The following IL7 variants were observed in gnomAD, a reference collection of about 807,000 sequenced individuals.
IL7 encodes the protein interleukin 7.
A neutral mutation model predicts 21.6 loss-of-function variants in IL7; 3 were observed. That is an observed-to-expected ratio of 0.14 (90% CI 0.06 to 0.36). The LOEUF is 0.36. Among genes scored for constraint, IL7 ranks in the 10% least tolerant of loss-of-function variants. The pLI is 1.00. For missense variants in IL7, 175 were observed against 200.2 expected (o/e 0.87, Z 0.76); for synonymous variants, 62 against 68.1 (o/e 0.91, Z 0.44).
rs895489425 is a variant in IL7, at chr8:78,688,465, A to C, written n.215-2518T>G. Among the ~76,000 whole-genome samples the C allele has an allele frequency of 4.6e-5, 7 of 152,340 alleles. 1 individual carries two copies. The highest frequency in any genetic ancestry group is 1.0e-4 in the Non-Finnish European group (7 of 68,014). Reference sequence around the variant, plus strand: ...AAAAGGGCAAACTCTGTATCAAAAAAGTAAACCTGTTAAAATAAGTTGTAA... The same window carrying C: ...AAAAGGGCAAACTCTGTATCAAAAACGTAAACCTGTTAAAATAAGTTGTAA... On this transcript the variant is annotated intron_variant and non_coding_transcript_variant, in intron 3 of 4. Coordinates refer to the IL7 transcript ENST00000523959.
chr8:78,742,799 G>T (rs899381583), intron 2 of IL7, among the ~76,000 whole-genome samples: 1 of 151,660 alleles, frequency 6.6e-6, no homozygotes, highest in South Asian at 2.1e-4. Flanking sequence ...TGTGTCATGG[G>T]TTTTTTTTGT....
At chr8:78,707,370 A>G (rs1810805662) in intron 3 of IL7, among the ~76,000 whole-genome samples, 4 of 152,182 alleles carry the variant, frequency 2.6e-5, no homozygotes, top group Admixed American at 6.5e-5. Context: ...GAGTTAGAAG[A>G]CTAGGTTTCT....
At chr8:78,738,743 G>T in intron 3 of IL7, 108 bp from the exon 4 acceptor site, 1 of 900,886 alleles carries the variant, frequency 1.1e-6, no homozygotes, top group Non-Finnish European at 1.6e-6. Context: ...GTAATGCCCC[G>T]CCTCCACCCC....
downstream of IL7, among the ~76,000 whole-genome samples, chr8:78,728,850 A>G (rs1310189866): frequency 6.6e-6 from 1 of 151,972 alleles, no homozygotes; most frequent in Non-Finnish European, 1.5e-5. Context: ...TAGTCTGGAT[A>G]AATATACCAT....
chr8:78,757,023 T>C (rs76390973), intron 2 of IL7, among the ~76,000 whole-genome samples: 1 of 151,954 alleles, frequency 6.6e-6, no homozygotes. Flanking sequence ...TAGATGGCTA[T>C]TGCTATAACA....
chr8:78,689,079 G>C (rs529082146), intron 3 of IL7: 33 of 449,804 alleles, frequency 7.3e-5, no homozygotes, highest in African/African-American at 5.9e-4. Flanking sequence ...AAGTAAAACT[G>C]GGTAGTTATA....
intron 2 of IL7, among the ~76,000 whole-genome samples, chr8:78,752,777 A>T (rs998143405): frequency 6.6e-6 from 1 of 151,962 alleles, no homozygotes; most frequent in Non-Finnish European, 1.5e-5. Context: ...CCAATGTGTG[A>T]TGTTCCCCTC....
intron 4 of IL7, among the ~76,000 whole-genome samples, chr8:78,684,619 G>T (rs1227682651): frequency 6.6e-6 from 1 of 152,090 alleles, no homozygotes; most frequent in East Asian, 1.9e-4. Context: ...GAAAACCCGA[G>T]AATTAAGTAA....
chr8:78,744,265 C>G (rs1390839493), intron 2 of IL7, among the ~76,000 whole-genome samples: 1 of 150,830 alleles, frequency 6.6e-6, no homozygotes, highest in African/African-American at 2.4e-5. Context: ...TCTCTGTAGG[C>G]CAGAGAACAC....
chr8:78,716,248 G>A (rs184500328), downstream of IL7, among the ~76,000 whole-genome samples: 2,057 of 150,978 alleles, frequency 0.014, 28 homozygotes, highest in Non-Finnish European at 0.02. Flanking sequence ...TCAGCCTCCC[G>A]AGTAGCTGGG....
At chr8:78,798,453 G>T (rs1231303074) in intron 1 of IL7, among the ~76,000 whole-genome samples, 1 of 151,918 alleles carries the variant, frequency 6.6e-6, no homozygotes, top group Non-Finnish European at 1.5e-5. Context: ...CAAAACAAGG[G>T]TGATGAAATC....
chr8:78,691,911 G>T (rs76390497), intron 3 of IL7, among the ~76,000 whole-genome samples: 5,618 of 152,012 alleles, frequency 0.037, 315 homozygotes, highest in African/African-American at 0.13. Context: ...AATTGTAAAC[G>T]TGCAGATTAT....
intron 2 of IL7, among the ~76,000 whole-genome samples, chr8:78,771,240 T>C (rs1356540856): frequency 7.2e-6 from 1 of 139,428 alleles, no homozygotes; most frequent in African/African-American, 2.5e-5. Context: ...TTAGCAGTAA[T>C]TTTTTTAATG....
chr8:78,731,942 A>G (rs1811431467), downstream of IL7, among the ~76,000 whole-genome samples: 1 of 152,266 alleles, frequency 6.6e-6, no homozygotes, highest in South Asian at 2.1e-4. Context: ...CAGAGAGAAT[A>G]TATTTTTTTA....
chr8:78,716,335 C>T (rs565033417), downstream of IL7, among the ~76,000 whole-genome samples: 12 of 151,682 alleles, frequency 7.9e-5, no homozygotes, highest in South Asian at 2.1e-3. Flanking sequence ...ATGTTAGCCA[C>T]GATGGTCTTG....
chr8:78,702,785 A>AGG (rs1220106848), intron 3 of IL7, among the ~76,000 whole-genome samples: 1 of 152,092 alleles, frequency 6.6e-6, no homozygotes, highest in Non-Finnish European at 1.5e-5. Context: ...TAATTTCTTA[A>AGG]TCTTGATTTC....
chr8:78,788,636 G>A (rs72666863), intron 2 of IL7, among the ~76,000 whole-genome samples: 12,149 of 152,084 alleles, frequency 0.08, 589 homozygotes, highest in African/African-American at 0.13. Context: ...TGTGTTTTAC[G>A]GCTCAGTACA....
At chr8:78,799,492 A>G (rs1045931356) in intron 1 of IL7, among the ~76,000 whole-genome samples, 4 of 152,204 alleles carry the variant, frequency 2.6e-5, no homozygotes, top group African/African-American at 9.6e-5. Flanking sequence ...ACAAAAATTG[A>G]TAATTTTATT....
chr8:78,707,633 C>T (rs569040638), intron 3 of IL7, among the ~76,000 whole-genome samples: 1 of 152,202 alleles, frequency 6.6e-6, no homozygotes, highest in Non-Finnish European at 1.5e-5. Context: ...TTTGGCTATC[C>T]CACATCATAT....
Sources: allele counts gnomAD v4.1 joint callset (sites outside exome capture counted in the v4.1 genomes callset), GRCh38; gene constraint gnomAD v4.1.1; transcripts MANE v1.5; gene names NCBI Gene and HGNC (gene_info 2026-07-23, HGNC 2026-07-21).